The following MDGA2 variants were observed in gnomAD, a reference collection of about 807,000 sequenced individuals.
MDGA2 encodes MAM domain containing glycosylphosphatidylinositol anchor 2, also known as MAM domain-containing glycosylphosphatidylinositol anchor protein 2.
A neutral mutation model predicts 117.8 loss-of-function variants in MDGA2; 40 were observed. That is an observed-to-expected ratio of 0.34 (90% confidence interval 0.26 to 0.44). The LOEUF (loss-of-function observed/expected upper bound fraction) is 0.44, where lower values mean the gene tolerates loss of function less well. Among genes scored for constraint, MDGA2 ranks in the 20% least tolerant of loss-of-function variants. MDGA2 has a pLI of 1.00. For synonymous variants in MDGA2, 452 were observed against 439.0 expected, an observed-to-expected ratio of 1.03 and a Z score of -0.37; for missense variants, 1,123 against 1,250.6, an observed-to-expected ratio of 0.90 and a Z score of 1.54.
At chr14:47,574,307 G>C (rs1896076039) in intron 1 of MDGA2, among the ~76,000 whole-genome samples, 1 of 152,078 alleles carries the variant, frequency 6.6e-6, no homozygotes. Context: ...GCTTGCCAAG[G>C]TCCCCATGCC....
chr14:47,245,240 G>C (rs1958094), intron 2 of MDGA2, among the ~76,000 whole-genome samples: 12,584 of 151,742 alleles, frequency 0.083, 889 homozygotes, highest in Non-Finnish European at 0.11. Flanking sequence ...ACGAGCCCAG[G>C]CTGGTCTCGA....
intron 1 of MDGA2, among the ~76,000 whole-genome samples, chr14:47,505,930 A>C (rs1370175776): frequency 6.6e-6 from 1 of 152,160 alleles, no homozygotes; most frequent in Non-Finnish European, 1.5e-5. Context: ...ATGATGCTCA[A>C]AGCACATTCT....
At chr14:47,300,554 A>G (rs1467788458) in intron 2 of MDGA2, among the ~76,000 whole-genome samples, 1 of 152,098 alleles carries the variant, frequency 6.6e-6, no homozygotes, top group Non-Finnish European at 1.5e-5. Flanking sequence ...TGGTGGTACA[A>G]TCATGACAAC....
At chr14:47,468,808 G>A (rs1485168152) in intron 1 of MDGA2, among the ~76,000 whole-genome samples, 1 of 152,054 alleles carries the variant, frequency 6.6e-6, no homozygotes, top group South Asian at 2.1e-4. Flanking sequence ...CTTTTCACAT[G>A]ATTTCATCTC....
Position 47,109,882 on chromosome 14 carries a change from G to A in MDGA2, c.926-12759C>T, listed in dbSNP as rs548868288. 2.6e-5 allele frequency among the ~76,000 whole-genome samples: 4 copies of A among 152,234 alleles called. No homozygotes were observed. In the South Asian group the frequency reaches 8.3e-4, roughly 32 times the overall value. Reference sequence around the variant, plus strand: ...AATTGTTAGGATCCGGGAGATAGAGGCTGCAGTGAGCCGAGATTGTGCCAC... The same window carrying A: ...AATTGTTAGGATCCGGGAGATAGAGACTGCAGTGAGCCGAGATTGTGCCAC... On this transcript the variant is annotated intron_variant, in intron 5 of 16. Transcript: ENST00000399232.
chr14:47,450,713 T>C (rs1416060247), intron 1 of MDGA2, among the ~76,000 whole-genome samples: 1 of 152,064 alleles, frequency 6.6e-6, no homozygotes, highest in African/African-American at 2.4e-5. Flanking sequence ...AAAAAAGTTG[T>C]ATTAGTTAAT....
At chr14:47,179,683 A>G (rs1052732523) in intron 3 of MDGA2, among the ~76,000 whole-genome samples, 3 of 152,124 alleles carry the variant, frequency 2.0e-5, no homozygotes, top group Admixed American at 2.0e-4. Context: ...ATAAGGTTCT[A>G]TGGTTCACAG....
In MDGA2 at chr14:47,415,728, C is replaced by T. The variant is rs568938705; in HGVS notation, c.281-114178G>A. On this transcript the variant is annotated intron_variant, in intron 1 of 16. Transcript: ENST00000399232. ...TTATAAAGAACAACAATTTATTTCT[C>T]GCACTTCTGGAGGCTGGAAGTTTGA... Among the ~76,000 whole-genome samples the T allele has an allele frequency of 7.9e-5, 12 of 152,216 alleles. No individual in the cohort carries two copies. In the East Asian group the frequency reaches 1.9e-3, roughly 25 times the overall value.
At chr14:47,590,451 A>G (rs1566529904) in intron 1 of MDGA2, among the ~76,000 whole-genome samples, 1 of 151,888 alleles carries the variant, frequency 6.6e-6, no homozygotes, top group African/African-American at 2.4e-5. Flanking sequence ...AAATACATTT[A>G]GAAAGAAAAT....
At chr14:46,910,595 A>C (rs1470198714) in intron 10 of MDGA2, among the ~76,000 whole-genome samples, 1 of 151,980 alleles carries the variant, frequency 6.6e-6, no homozygotes. Context: ...CCCTCTCACC[A>C]CTCTTAATTC....
intron 1 of MDGA2, among the ~76,000 whole-genome samples, chr14:47,463,668 A>C (rs1378279934): frequency 6.6e-6 from 1 of 152,174 alleles, no homozygotes; most frequent in Non-Finnish European, 1.5e-5. Context: ...CTTAATTTCC[A>C]AGCAAACTTC....
chr14:47,402,332 CCCCG>C (rs146792632), intron 1 of MDGA2, among the ~76,000 whole-genome samples: 102,526 of 124,656 alleles, frequency 0.82, 41,754 homozygotes, highest in Middle Eastern at 0.9. Context: ...CCCCAGAAAC[CCCCG>C]CCCCCCCACC....
chr14:47,562,293 A>T (rs1895831848), intron 1 of MDGA2, among the ~76,000 whole-genome samples: 1 of 152,176 alleles, frequency 6.6e-6, no homozygotes, highest in African/African-American at 2.4e-5. Flanking sequence ...GAATAGTTTC[A>T]GTAGGAATGG....
At chr14:47,484,772 C>T (rs1003754180) in intron 1 of MDGA2, among the ~76,000 whole-genome samples, 5 of 152,080 alleles carry the variant, frequency 3.3e-5, no homozygotes, top group African/African-American at 1.2e-4. Context: ...CTCACGAGAG[C>T]TGATGGTTTT....
rs1031139542 is a variant in MDGA2 at position 47,331,290 on chromosome 14, A to G, written c.281-29740T>C. 2.0e-5 allele frequency among the ~76,000 whole-genome samples: 3 copies of G among 151,906 alleles called. No individual in the cohort carries two copies. In the East Asian group the frequency reaches 5.8e-4, roughly 29 times the overall value. On this transcript the variant is annotated intron_variant, in intron 1 of 16. Transcript: ENST00000399232. ...AAACTGGTAGGTGACATAATTCTTC[A>G]ATCAAATGCTGAGATTAGAAAGAAA... is the stretch of plus-strand genomic sequence containing the variant.
chr14:47,119,889 T>C (rs1183840452), intron 5 of MDGA2, among the ~76,000 whole-genome samples: 4 of 152,180 alleles, frequency 2.6e-5, no homozygotes, highest in Non-Finnish European at 5.9e-5. Context: ...ACTTTGGACA[T>C]AGGTATTTTA....
chr14:46,945,488 GAA>G (rs1056487253), intron 9 of MDGA2, among the ~76,000 whole-genome samples: 18 of 152,060 alleles, frequency 1.2e-4, no homozygotes, highest in Non-Finnish European at 2.1e-4. Flanking sequence ...CCATAGAGAA[GAA>G]AATGGTAAAT....
chr14:47,580,731 C>A (rs1161243684), intron 1 of MDGA2, among the ~76,000 whole-genome samples: 2 of 151,612 alleles, frequency 1.3e-5, no homozygotes, highest in African/African-American at 4.8e-5. Context: ...TATGTATTTA[C>A]AATTTCCTGA....
chr14:47,636,771 C>T (rs1259526682), intron 1 of MDGA2, among the ~76,000 whole-genome samples: 2 of 111,556 alleles, frequency 1.8e-5, no homozygotes, highest in South Asian at 6.1e-4. Flanking sequence ...GGCGACAGAG[C>T]GAGACTCCGT....
Sources: gnomAD v4.1 joint callset for allele counts (sites outside exome capture counted in the v4.1 genomes callset) on GRCh38, gnomAD v4.1.1 for gene constraint, MANE v1.5 for transcripts, NCBI Gene and HGNC (gene_info 2026-07-23, HGNC 2026-07-21) for gene names.